PLCXD3: variants seen among roughly 807,000 people sequenced by gnomAD.
PLCXD3 encodes phosphatidylinositol specific phospholipase C X domain containing 3.
PLCXD3 carries 19 observed loss-of-function variants against 25.5 expected under a neutral mutation model. That is an observed-to-expected ratio of 0.75 (90% CI 0.52 to 1.09). PLCXD3 has a LOEUF of 1.09. PLCXD3 is among the 50% of genes least tolerant of loss of function. PLCXD3 has a pLI of 0.00. For synonymous variants in PLCXD3, 174 were observed against 137.6 expected, an observed-to-expected ratio of 1.26 and a Z score of -1.85; for missense variants, 411 against 388.1, an observed-to-expected ratio of 1.06 and a Z score of -0.50.
At chr5:41,324,782 A>C (rs189163666) in intron 2 of PLCXD3, among the ~76,000 whole-genome samples, 1 of 152,302 alleles carries the variant, frequency 6.6e-6, no homozygotes, top group East Asian at 1.9e-4. Flanking sequence ...GCTCTTTGGA[A>C]ATAGTATCAC....
intron 1 of PLCXD3, among the ~76,000 whole-genome samples, chr5:41,477,952 G>A (rs1457300413): frequency 6.6e-6 from 1 of 152,192 alleles, no homozygotes; most frequent in Non-Finnish European, 1.5e-5. Flanking sequence ...GCCAGGAGTA[G>A]AGATTTTAAG....
intron 1 of PLCXD3, among the ~76,000 whole-genome samples, chr5:41,465,378 T>TTTTTTTTTTTTTTTTTTTTTTTTTC (rs1747993774): frequency 7.0e-6 from 1 of 143,692 alleles, no homozygotes; most frequent in African/African-American, 2.6e-5. Context: ...TTTTTTTTTT[T>TTTTTTTTTTTTTTTTTTTTTTTTTC]TTTTTTTTGC....
intron 2 of PLCXD3, among the ~76,000 whole-genome samples, chr5:41,337,297 A>G (rs1744014238): frequency 6.6e-6 from 1 of 152,138 alleles, no homozygotes; most frequent in Admixed American, 6.6e-5. Flanking sequence ...CCATGAAGCT[A>G]TGAATAATAT....
chr5:41,465,969 C>T lies in PLCXD3; in HGVS notation c.103+44455G>A, dbSNP rs563566270. 1.1e-4 allele frequency among the ~76,000 whole-genome samples: 16 copies of T among 152,188 alleles called. No homozygotes were observed. In the South Asian group the frequency reaches 1.9e-3, roughly 18 times the overall value. On this transcript the variant is annotated intron_variant, in intron 1 of 2. Coordinates refer to ENST00000377801, the MANE Select transcript of PLCXD3 (RefSeq NM_001005473.3). ...GCTAAGAAAAGAAACTATCTAATTA[C>T]GTCATTTTTACCTTTTCTCACTTTA...
chr5:41,447,780 T>C (rs1204277112), intron 1 of PLCXD3, among the ~76,000 whole-genome samples: 1 of 152,234 alleles, frequency 6.6e-6, no homozygotes, highest in East Asian at 1.9e-4. Flanking sequence ...TTCCTGTATC[T>C]GCTTAGGTAA....
intron 2 of PLCXD3, among the ~76,000 whole-genome samples, chr5:41,369,445 A>C (rs1745028702): frequency 6.6e-6 from 1 of 152,096 alleles, no homozygotes; most frequent in South Asian, 2.1e-4. Context: ...AAATATGCCC[A>C]TTAATTAATA....
At chr5:41,409,242 A>T (rs1230476955) in intron 1 of PLCXD3, among the ~76,000 whole-genome samples, 1 of 152,134 alleles carries the variant, frequency 6.6e-6, no homozygotes, top group Admixed American at 6.5e-5. Context: ...AGCTGGAGAA[A>T]CTGGATTATC....
Position 41,446,532 on chromosome 5 carries a change from A to G in PLCXD3, c.103+63892T>C, listed in dbSNP as rs1747508018. ...AATCCCCATGGAATGAATAAGTGCT[A>G]GTTTCTTTTTTTTTTTTTCATTTTC... On this transcript the variant is annotated intron_variant, in intron 1 of 2. Transcript: ENST00000377801. 1.5e-5 allele frequency among the ~76,000 whole-genome samples: 2 copies of G among 131,870 alleles called. 1 individual carries two copies. Among genetic ancestry groups the G allele is most frequent in the Admixed American group, 1.6e-4 (2 of 12,144 alleles). The allele number at this position is 131,870 out of a possible 152,430, so 86.5% of individuals were successfully genotyped here.
chr5:41,326,153 CCTAT>C (rs1743621418), intron 2 of PLCXD3, among the ~76,000 whole-genome samples: 2 of 152,138 alleles, frequency 1.3e-5, no homozygotes, highest in Admixed American at 6.6e-5. Context: ...ATTTAAGTCA[CCTAT>C]CTTTCTATCC....
At chr5:41,374,702 C>T (rs927790761) in intron 2 of PLCXD3, among the ~76,000 whole-genome samples, 5 of 151,986 alleles carry the variant, frequency 3.3e-5, no homozygotes, top group Non-Finnish European at 7.4e-5. Context: ...TCCATAGTCT[C>T]CTTGTTGTTC....
intron 2 of PLCXD3, among the ~76,000 whole-genome samples, chr5:41,370,923 C>T (rs1745076003): frequency 6.6e-6 from 1 of 152,112 alleles, no homozygotes; most frequent in African/African-American, 2.4e-5. Flanking sequence ...GAACTATGTT[C>T]TTCTATTTTT....
intron 1 of PLCXD3, among the ~76,000 whole-genome samples, chr5:41,389,714 A>G (rs925483225): frequency 1.6e-4 from 25 of 152,304 alleles, no homozygotes; most frequent in African/African-American, 5.8e-4. Context: ...CATGGTCAGT[A>G]TAATTTTTGT....
intron 2 of PLCXD3, among the ~76,000 whole-genome samples, chr5:41,371,885 T>C (rs1477718073): frequency 6.6e-6 from 1 of 152,144 alleles, no homozygotes; most frequent in Non-Finnish European, 1.5e-5. Flanking sequence ...CCACATCTGG[T>C]CCATTTTACT....
intron 2 of PLCXD3, among the ~76,000 whole-genome samples, chr5:41,348,782 A>T (rs528691355): frequency 1.3e-5 from 2 of 152,280 alleles, no homozygotes; most frequent in South Asian, 4.1e-4. Context: ...CAAGACCTGC[A>T]GCTGATACCA....
intron 1 of PLCXD3, among the ~76,000 whole-genome samples, chr5:41,426,515 T>C (rs867062175): frequency 7.9e-5 from 12 of 152,040 alleles, no homozygotes; most frequent in Non-Finnish European, 1.5e-4. Flanking sequence ...TTAGTCTTTA[T>C]CCTTCATATG....
intron 2 of PLCXD3, among the ~76,000 whole-genome samples, chr5:41,326,881 C>T (rs1250027193): frequency 1.3e-5 from 2 of 152,148 alleles, no homozygotes; most frequent in Non-Finnish European, 2.9e-5. Flanking sequence ...GAAAACAACA[C>T]ATTCATTGAA....
At chr5:41,434,239 G>A (rs566457596) in intron 1 of PLCXD3, among the ~76,000 whole-genome samples, 4 of 152,288 alleles carry the variant, frequency 2.6e-5, no homozygotes, top group East Asian at 1.9e-4. Context: ...TGACTTCTGC[G>A]TGTGATTTTG....
At chr5:41,450,767 T>C (rs775820200) in intron 1 of PLCXD3, among the ~76,000 whole-genome samples, 1 of 152,080 alleles carries the variant, frequency 6.6e-6, no homozygotes, top group Non-Finnish European at 1.5e-5. Context: ...TTCTCCATGA[T>C]GTATATAGTG....
intron 1 of PLCXD3, among the ~76,000 whole-genome samples, chr5:41,493,204 C>T (rs1485823172): frequency 3.9e-5 from 6 of 152,126 alleles, no homozygotes; most frequent in African/African-American, 1.4e-4. Context: ...CACTCCAGAC[C>T]CTGTTTGCCT....
Sources: gnomAD v4.1 joint callset for allele counts (sites outside exome capture counted in the v4.1 genomes callset) on GRCh38, gnomAD v4.1.1 for gene constraint, MANE v1.5 for transcripts, NCBI Gene and HGNC (gene_info 2026-07-23, HGNC 2026-07-21) for gene names.